Variants in ARHGAP21 observed in about 807,000 individuals in gnomAD.
The protein encoded by ARHGAP21 is Rho GTPase activating protein 21, also known as rho GTPase-activating protein 21.
Under a neutral mutation model 164.6 loss-of-function variants are expected in ARHGAP21, and 38 were observed. The observed-to-expected ratio is 0.23, with a 90% confidence interval of 0.18 to 0.30. The LOEUF (loss-of-function observed/expected upper bound fraction) is 0.30, where lower values mean the gene tolerates loss of function less well. Among genes scored for constraint, ARHGAP21 ranks in the 10% least tolerant of loss-of-function variants. The pLI is 1.00. For missense variants in ARHGAP21, 1,822 were observed against 2,370.7 expected (o/e 0.77, Z 4.81); for synonymous variants, 766 against 857.9 (o/e 0.89, Z 1.87).
chr10:24,596,533 T>A, intron 17 of ARHGAP21: 1 of 641,584 alleles, frequency 1.6e-6, no homozygotes, highest in Non-Finnish European at 2.5e-6. Context: ...GACAAATTCC[T>A]AATGGTTGAA....
intron 2 of ARHGAP21, among the ~76,000 whole-genome samples, chr10:24,717,463 C>T (rs983102824): frequency 4.6e-5 from 7 of 152,078 alleles, no homozygotes; most frequent in Non-Finnish European, 8.8e-5. Flanking sequence ...AGAGAATACA[C>T]TAGGGGCAAC....
rs375571607 is a variant in ARHGAP21, at chr10:24,660,033, A to C, written c.268+6952T>G. ...GTACACTGTTAAATTAGCTGCCACC[A>C]CCACCACTACCATCATCATTATCAT... On this transcript the variant is annotated intron_variant, in intron 4 of 25. Transcript: ENST00000396432. Among the ~76,000 whole-genome samples, 290 of 152,240 alleles carry C rather than the reference A, an allele frequency of 1.9e-3. 1 individual carries two copies. The highest frequency in any genetic ancestry group is 6.6e-3 in the African/African-American group (274 of 41,550).
chr10:24,635,089 G>C lies in ARHGAP21; in HGVS notation c.283C>G (p.Arg95Gly). The C allele has an allele frequency of 6.3e-7, 1 of 1,587,880 alleles. No homozygotes were observed. The highest frequency in any genetic ancestry group is 8.5e-7 in the Non-Finnish European group (1 of 1,169,964). The change falls in exon 5 of 26, where the codon CGC (arginine) becomes GGC (glycine). Residue 95 changes from arginine (R) to glycine (G), a missense_variant. Physicochemically the swap from Arg to Gly is moderately radical, Grantham distance 125. Transcript: ENST00000396432. ...AATATGGTATCCATTGGTTCCAAGC[G>C]GTTTCTTTGTTTTCCTGTTACAGAG... The part of the protein sequence containing the change: ...NGNRGGKQRN[R>G]LEPMDTIFVK...
chr10:24,674,712 T>C (rs61855022), intron 2 of ARHGAP21, among the ~76,000 whole-genome samples: 1 of 151,772 alleles, frequency 6.6e-6, no homozygotes, highest in East Asian at 1.9e-4. Flanking sequence ...TTATGAAAAG[T>C]ATACACACAC....
intron 7 of ARHGAP21, among the ~76,000 whole-genome samples, chr10:24,625,557 C>A (rs561407128): frequency 5.9e-5 from 9 of 152,074 alleles, no homozygotes; most frequent in African/African-American, 2.2e-4. Context: ...CCAGCACATA[C>A]TATTCTTGTA....
At chr10:24,628,187 G>T (rs1018561339) in intron 7 of ARHGAP21, among the ~76,000 whole-genome samples, 7 of 152,184 alleles carry the variant, frequency 4.6e-5, no homozygotes, top group Non-Finnish European at 1.0e-4. Flanking sequence ...TGTCAGGGTA[G>T]GAACTCTACA....
At chr10:24,694,505 C>A (rs1036685284) in intron 2 of ARHGAP21, among the ~76,000 whole-genome samples, 4 of 152,186 alleles carry the variant, frequency 2.6e-5, no homozygotes, top group Admixed American at 2.6e-4. Flanking sequence ...CCTATGTGAC[C>A]TGCCCCCAGT....
chr10:24,635,052 A>G lies in ARHGAP21; in HGVS notation c.320T>C (p.Val107Ala), dbSNP rs1445250279. The G allele has an allele frequency of 1.2e-6, 2 of 1,603,318 alleles. No homozygotes were observed. Among genetic ancestry groups the G allele is most frequent in the Admixed American group, 3.5e-5 (2 of 57,968 alleles). ...EPMDTIFVKQ[V>A]KEGGPAFEAG... ...TTCAAAAGCAGGTCCTCCTTCTTTA[A>G]CTTGCTTAACAAATATGGTATCCAT... Residue 107 changes from valine (V) to alanine (A), a missense_variant, in exon 5 of 26, where the codon GTT (valine) becomes GCT (alanine). Coordinates refer to ENST00000396432, the MANE Select transcript of ARHGAP21 (RefSeq NM_020824.4).
chr10:24,690,865 T>C (rs181307379), intron 2 of ARHGAP21, among the ~76,000 whole-genome samples: 166 of 150,852 alleles, frequency 1.1e-3, no homozygotes, highest in African/African-American at 3.9e-3. Flanking sequence ...CACATATATA[T>C]ATACACACAC....
At chr10:24,702,127 C>CT (rs71798625) in intron 2 of ARHGAP21, among the ~76,000 whole-genome samples, 2,799 of 104,548 alleles carry the variant, frequency 0.027, 273 homozygotes, top group African/African-American at 0.082. Context: ...ACTTCCGGTT[C>CT]TTTTTTTTTT....
At chr10:24,670,831 T>C (rs1274072100) in intron 2 of ARHGAP21, among the ~76,000 whole-genome samples, 1 of 152,142 alleles carries the variant, frequency 6.6e-6, no homozygotes, top group Non-Finnish European at 1.5e-5. Context: ...CAAAGGACAT[T>C]AGAAAATAAC....
intron 4 of ARHGAP21, among the ~76,000 whole-genome samples, chr10:24,662,645 C>G (rs902745990): frequency 2.6e-5 from 4 of 152,220 alleles, no homozygotes; most frequent in African/African-American, 7.2e-5. Flanking sequence ...TCCAAATACT[C>G]TCATACCTTT....
chr10:24,668,460 G>A (rs1421815728), intron 3 of ARHGAP21, among the ~76,000 whole-genome samples: 1 of 152,136 alleles, frequency 6.6e-6, no homozygotes, highest in Non-Finnish European at 1.5e-5. Context: ...GCTCTGCAAT[G>A]GGATGGACAG....
At chr10:24,597,297 G>GC in intron 16 of ARHGAP21, 150 bp downstream of exon 16, 1 of 963,958 alleles carries the variant, frequency 1.0e-6, no homozygotes, top group East Asian at 2.9e-5. Context: ...AAAGGGAAAG[G>GC]CCCAATGAGC....
At chr10:24,648,623 T>C (rs1280906429) in intron 4 of ARHGAP21, among the ~76,000 whole-genome samples, 3 of 151,972 alleles carry the variant, frequency 2.0e-5, no homozygotes, top group Admixed American at 1.3e-4. Context: ...CTACTAAAAA[T>C]ACAAAAATTA....
intron 2 of ARHGAP21, among the ~76,000 whole-genome samples, chr10:24,695,019 C>A (rs1464068363): frequency 2.0e-5 from 2 of 101,150 alleles, no homozygotes; most frequent in East Asian, 6.3e-4. Flanking sequence ...CCACCATACT[C>A]CAGCCTGGGT....
At chr10:24,702,844 ACC>A (rs1465247870) in intron 2 of ARHGAP21, among the ~76,000 whole-genome samples, 1 of 152,178 alleles carries the variant, frequency 6.6e-6, no homozygotes, top group Non-Finnish European at 1.5e-5. Flanking sequence ...CAGTAATTTC[ACC>A]TCTAAGACTG....
chr10:24,648,857 T>C lies in ARHGAP21; in HGVS notation c.269-13754A>G, dbSNP rs181024915. ...ATCACAGCCCCTTTATATCTGAGGC[T>C]CCCAAGTGTTTTAATCATGTCCTAG... On this transcript the variant is annotated intron_variant, in intron 4 of 25. Transcript: ENST00000396432. The C allele has an allele frequency of 5.3e-4, 521 of 984,820 alleles. 1 individual carries two copies. The African/African-American group carries it at 8.6e-3, about 16-fold the overall frequency. 61.0% of individuals were successfully genotyped at this position (984,820 alleles called of 1,614,324 possible).
rs1227821620 is a variant in ARHGAP21 at position 24,620,288 on chromosome 10, T to C, written c.1607A>G (p.Asp536Gly). 2 of 1,613,982 alleles carry C rather than the reference T, an allele frequency of 1.2e-6. No individual in the cohort carries two copies. The highest frequency in any genetic ancestry group is 1.7e-6 in the Non-Finnish European group (2 of 1,179,874). The change falls in exon 9 of 26, where the codon GAT becomes GGT. Residue 536 changes from aspartate (D) to glycine (G), a missense_variant. This residue lies in a region of ARHGAP21 where 1,090 missense variants were observed against 1,378.9 expected (regional missense o/e 0.79). Coordinates refer to ENST00000396432, the MANE Select transcript of ARHGAP21 (RefSeq NM_020824.4). Reference protein sequence around the residue: ...YKWSGFTEQDDRRGICERPRQ... With the variant: ...YKWSGFTEQDGRRGICERPRQ... ...AGGTCTTTCACAAATACCTCGTCTATCATCCTGTTCAGTAAACCCACTCCA... is the reference window on the plus strand; with the variant it reads ...AGGTCTTTCACAAATACCTCGTCTACCATCCTGTTCAGTAAACCCACTCCA...
Sources: allele counts gnomAD v4.1 joint callset (sites outside exome capture counted in the v4.1 genomes callset), GRCh38; gene constraint gnomAD v4.1.1; regional missense constraint gnomAD v4.1.1; transcripts MANE v1.5; gene names NCBI Gene and HGNC (gene_info 2026-07-23, HGNC 2026-07-21).